The following GRB14 variants were observed in gnomAD, a reference collection of about 807,000 sequenced individuals.
GRB14 encodes the protein growth factor receptor-bound protein 14.
Under a neutral mutation model 69.1 loss-of-function variants are expected in GRB14, and 38 were observed. That is an observed-to-expected ratio of 0.55 (90% confidence interval 0.42 to 0.72). The LOEUF (loss-of-function observed/expected upper bound fraction) is 0.72. Ranked by LOEUF, GRB14 falls within the 30% of genes least tolerant of loss-of-function variation. The pLI is 0.00. For synonymous variants in GRB14, 247 were observed against 241.3 expected (o/e 1.02, Z -0.22); for missense variants, 666 against 666.1 (o/e 1.00, Z 0.00).
intron 2 of GRB14, among the ~76,000 whole-genome samples, chr2:164,587,967 T>C (rs1348245948): frequency 6.6e-6 from 1 of 152,120 alleles, no homozygotes; most frequent in African/African-American, 2.4e-5. Flanking sequence ...GAAATAAACA[T>C]GTGGTTCTAA....
chr2:164,600,756 T>C (rs10178226), intron 2 of GRB14, among the ~76,000 whole-genome samples: 145 of 152,200 alleles, frequency 9.5e-4, no homozygotes, highest in Middle Eastern at 3.4e-3. Flanking sequence ...AAAATAAAGA[T>C]TTATTAATTT....
At chr2:164,584,903 T>C (rs1051299737) in intron 2 of GRB14, among the ~76,000 whole-genome samples, 10 of 151,946 alleles carry the variant, frequency 6.6e-5, no homozygotes, top group African/African-American at 2.4e-4. Context: ...GGAAAAGAAC[T>C]AGAAGAGAGA....
intron 2 of GRB14, among the ~76,000 whole-genome samples, chr2:164,609,499 C>A (rs1479458881): frequency 6.6e-6 from 1 of 152,200 alleles, no homozygotes; most frequent in South Asian, 2.1e-4. Flanking sequence ...ACTTCACCAG[C>A]AGCACTAACC....
intron 2 of GRB14, among the ~76,000 whole-genome samples, chr2:164,595,462 A>G (rs1295743006): frequency 6.6e-6 from 1 of 152,220 alleles, no homozygotes; most frequent in Non-Finnish European, 1.5e-5. Flanking sequence ...AGGAAATGCT[A>G]TCTAGGAAAA....
chr2:164,614,110 T>TA (rs1690229103), intron 2 of GRB14, among the ~76,000 whole-genome samples: 1 of 152,194 alleles, frequency 6.6e-6, no homozygotes, highest in Non-Finnish European at 1.5e-5. Flanking sequence ...AGCGCAGCTG[T>TA]AAAGCCTGCT....
intron 2 of GRB14, among the ~76,000 whole-genome samples, chr2:164,567,646 T>A (rs1689010786): frequency 6.6e-6 from 1 of 152,182 alleles, no homozygotes; most frequent in Admixed American, 6.5e-5. Context: ...CATGGTTGCA[T>A]ATACCACCTT....
intron 9 of GRB14, 80 bp from the exon 10 acceptor site, chr2:164,497,570 T>TTCAGTGTTTTTCTC: frequency 1.1e-6 from 1 of 951,326 alleles, no homozygotes; most frequent in Non-Finnish European, 1.6e-6. Context: ...GTTTTTCAAT[T>TTCAGTGTTTTTCTC]TCAGTGTTTT....
chr2:164,595,271 T>C (rs1304090408), intron 2 of GRB14, among the ~76,000 whole-genome samples: 1 of 152,164 alleles, frequency 6.6e-6, no homozygotes, highest in East Asian at 1.9e-4. Flanking sequence ...TGCCAAAGGC[T>C]CAGCGCTAAC....
intron 2 of GRB14, among the ~76,000 whole-genome samples, chr2:164,578,016 C>T (rs1173585669): frequency 4.6e-5 from 7 of 152,124 alleles, no homozygotes; most frequent in East Asian, 3.9e-4. Flanking sequence ...GGGCAGATCA[C>T]GAGGTCAGGA....
intron 6 of GRB14, among the ~76,000 whole-genome samples, chr2:164,515,333 G>C (rs914520148): frequency 3.3e-5 from 5 of 152,180 alleles, no homozygotes; most frequent in African/African-American, 1.2e-4. Flanking sequence ...ACCTTCACTG[G>C]AGCAGCTGCT....
At chr2:164,518,518 T>A (rs746692046) in intron 6 of GRB14, among the ~76,000 whole-genome samples, 13 of 151,444 alleles carry the variant, frequency 8.6e-5, no homozygotes, top group Non-Finnish European at 1.8e-4. Context: ...ATAACAAAGA[T>A]CAGAGAAGAA....
intron 2 of GRB14, among the ~76,000 whole-genome samples, chr2:164,578,386 TTGAG>T (rs1169728507): frequency 6.6e-5 from 10 of 151,826 alleles, no homozygotes; most frequent in Non-Finnish European, 1.5e-4. Context: ...AAAACACATA[TTGAG>T]TAAGTATATA....
rs900589204 is a variant in GRB14, at chr2:164,496,788, G to A, written c.1382+220C>T. On this transcript the variant is annotated intron_variant, in intron 12 of 13. Transcript: ENST00000263915. ...GGTTAAGAACAAGATACTCTATTCC[G>A]TTATTTGTCCATTTATATACAAATA... Among the ~76,000 whole-genome samples, 11 of 151,982 alleles carry A rather than the reference G, an allele frequency of 7.2e-5. No individual in the cohort carries two copies. The East Asian group carries it at 1.4e-3, about 19-fold the overall frequency.
chr2:164,577,698 A>T (rs1235133918), intron 2 of GRB14, among the ~76,000 whole-genome samples: 1 of 152,218 alleles, frequency 6.6e-6, no homozygotes, highest in Non-Finnish European at 1.5e-5. Context: ...ATAAAACTGT[A>T]GTTAGCCAAT....
chr2:164,570,275 TAAAAAAAAA>T (rs35918859), intron 2 of GRB14, among the ~76,000 whole-genome samples: 3 of 57,210 alleles, frequency 5.2e-5, no homozygotes, highest in African/African-American at 6.7e-5. Flanking sequence ...AGACTCCATC[TAAAAAAAAA>T]AAAAAAAAAA....
At chr2:164,529,447 G>A (rs1687866297) in intron 3 of GRB14, among the ~76,000 whole-genome samples, 1 of 152,180 alleles carries the variant, frequency 6.6e-6, no homozygotes, top group African/African-American at 2.4e-5. Context: ...ACGAAACAAA[G>A]TCATCTACAT....
At chr2:164,612,266 T>G (rs1274227436) in intron 2 of GRB14, among the ~76,000 whole-genome samples, 1 of 152,230 alleles carries the variant, frequency 6.6e-6, no homozygotes, top group African/African-American at 2.4e-5. Flanking sequence ...GAAAAATGTA[T>G]GTGAATAAAT....
At chr2:164,548,382 CTGTA>C (rs1284541206) in intron 2 of GRB14, among the ~76,000 whole-genome samples, 1 of 152,026 alleles carries the variant, frequency 6.6e-6, no homozygotes, top group Non-Finnish European at 1.5e-5. Context: ...TTGTGTGTAT[CTGTA>C]TGTGTGTGTG....
intron 3 of GRB14, among the ~76,000 whole-genome samples, chr2:164,528,258 G>C (rs552979204): frequency 6.6e-6 from 1 of 152,148 alleles, no homozygotes. Flanking sequence ...AGAGTCCATT[G>C]AGTTGTGCAC....
Sources: gnomAD v4.1 joint callset for allele counts (sites outside exome capture counted in the v4.1 genomes callset) on GRCh38, gnomAD v4.1.1 for gene constraint, MANE v1.5 for transcripts, NCBI Gene and HGNC (gene_info 2026-07-23, HGNC 2026-07-21) for gene names.